Variants in LCP2 observed in about 807,000 individuals in gnomAD.
LCP2 encodes 76 kDa tyrosine phosphoprotein.
Under a neutral mutation model 74.5 loss-of-function variants are expected in LCP2, and 29 were observed. The observed-to-expected ratio is 0.39, with a 90% CI of 0.29 to 0.53. LCP2 has a LOEUF of 0.53. LCP2 is among the 20% of genes least tolerant of loss of function. LCP2 has a pLI of 0.72. For synonymous variants in LCP2, 228 were observed against 229.5 expected (o/e 0.99, Z 0.06); for missense variants, 604 against 634.6 (o/e 0.95, Z 0.52).
At chr5:170,266,595 C>G (rs1334774288) in intron 10 of LCP2, among the ~76,000 whole-genome samples, 1 of 152,178 alleles carries the variant, frequency 6.6e-6, no homozygotes, top group Non-Finnish European at 1.5e-5. Flanking sequence ...GGGCTTTGGT[C>G]GCTACTCCCA....
chr5:170,270,826 A>G lies in LCP2; in HGVS notation c.416T>C (p.Val139Ala). Reference sequence around the variant, plus strand: ...CGGCTCATAATCCGCGTCATCTTCCACGGGTGCCTCTTCCTCCTCATTGGG... The same window carrying G: ...CGGCTCATAATCCGCGTCATCTTCCGCGGGTGCCTCTTCCTCCTCATTGGG... ...ESPNEEEEAP[V>A]EDDADYEPPP... The change falls in exon 7 of 21, where the codon GTG (valine) becomes GCG (alanine). Residue 139 changes from valine to alanine, a missense_variant. Transcript: ENST00000046794. The G allele has an allele frequency of 6.2e-7, 1 of 1,612,260 alleles. No individual in the cohort carries two copies. Among genetic ancestry groups the G allele is most frequent in the Non-Finnish European group, 8.5e-7 (1 of 1,179,110 alleles).
At chr5:170,289,651 TTCTTTC>T (rs1762247504) in intron 2 of LCP2, among the ~76,000 whole-genome samples, 1 of 112,686 alleles carries the variant, frequency 8.9e-6, no homozygotes, top group African/African-American at 3.4e-5. Flanking sequence ...CTTTCTTTCT[TTCTTTC>T]TTTCTTTCTT....
At position 170,262,783 on chromosome 5, in the gene LCP2, G is replaced by A. The variant is rs377173751; in HGVS notation, c.819-41C>T. 36 of 1,613,382 alleles carry A rather than the reference G, an allele frequency of 2.2e-5. No homozygotes were observed. The African/African-American group carries it at 3.5e-4, about 16-fold the overall frequency. On this transcript the variant is annotated intron_variant, in intron 12 of 20. Coordinates refer to ENST00000046794, the MANE Select transcript of LCP2 (RefSeq NM_005565.5). Reference sequence around the variant, plus strand: ...AAAGGATGTGTAAGAAACAAACTTTGCCGAGGCAGAGTTCTACAGAACGTC... The same window carrying A: ...AAAGGATGTGTAAGAAACAAACTTTACCGAGGCAGAGTTCTACAGAACGTC...
At chr5:170,268,552 T>C in intron 7 of LCP2, 70 bp from the exon 8 acceptor site, 1 of 194,976 alleles carries the variant, frequency 5.1e-6, no homozygotes, top group South Asian at 7.2e-5. Context: ...CAGGAACAGA[T>C]ATGCAGCTCG....
Position 170,270,749 on chromosome 5 carries a change from G to C in LCP2, c.493C>G (p.Pro165Ala), listed in dbSNP as rs746525662. Residue 165 changes from proline (P) to alanine (A), a missense_variant, in exon 7 of 21, where the codon CCT (proline) becomes GCT (alanine). Pro to Ala is a conservative substitution (Grantham distance 27). Coordinates refer to ENST00000046794, the MANE Select transcript of LCP2 (RefSeq NM_005565.5). Reference sequence around the variant, plus strand: ...TACATGGAGTTGGAGTTGGGGAAAGGCTTGGCAGGCAGGATGGAGTTCTGC... The same window carrying C: ...TACATGGAGTTGGAGTTGGGGAAAGCCTTGGCAGGCAGGATGGAGTTCTGC... ...ALQNSILPAK[P>A]FPNSNSMYID... 1.2e-5 allele frequency: 19 copies of C among 1,593,314 alleles called. No individual in the cohort carries two copies. The highest frequency in any genetic ancestry group is 1.8e-5 in the Admixed American group (1 of 56,586).
chr5:170,271,080 G>A (rs1761890231), intron 6 of LCP2, among the ~76,000 whole-genome samples, 163 bp from the exon 7 acceptor site: 1 of 152,132 alleles, frequency 6.6e-6, no homozygotes, highest in South Asian at 2.1e-4. Flanking sequence ...CTGAGGTCAG[G>A]GAGCACTGTA....
intron 20 of LCP2, among the ~76,000 whole-genome samples, chr5:170,249,282 G>A (rs886206115): frequency 4.6e-5 from 7 of 151,468 alleles, no homozygotes; most frequent in African/African-American, 1.5e-4. Flanking sequence ...CCGAGATTGC[G>A]CCATTGCCGC....
chr5:170,258,610 T>G (rs1202982445), intron 15 of LCP2: 5 of 420,320 alleles, frequency 1.2e-5, no homozygotes, highest in African/African-American at 4.0e-5. Context: ...AAACCATGCA[T>G]GCAATTTTAC....
chr5:170,293,306 T>C lies in LCP2; in HGVS notation c.141+4A>G, dbSNP rs773737768. On this transcript the variant is annotated splice_donor_region_variant and intron_variant, in intron 2 of 20. Coordinates refer to ENST00000046794, the MANE Select transcript of LCP2 (RefSeq NM_005565.5). ...TTCAGTGTGTTGGACTAGCCAGAGC[T>C]TACCAAGAAGCGAGCCCCATCGATG... 3.1e-6 allele frequency: 5 copies of C among 1,606,718 alleles called. No homozygotes were observed.
chr5:170,275,665 C>A (rs1761994122), intron 4 of LCP2, 130 bp downstream of exon 4: 6 of 813,752 alleles, frequency 7.4e-6, no homozygotes, highest in Non-Finnish European at 1.2e-5. Flanking sequence ...TGGACACCAT[C>A]TTCCAGACCC....
intron 13 of LCP2, among the ~76,000 whole-genome samples, chr5:170,262,020 G>C (rs1288261682): frequency 6.6e-6 from 1 of 152,174 alleles, no homozygotes; most frequent in Non-Finnish European, 1.5e-5. Context: ...CCTCACAACA[G>C]CCAAGCAAGG....
chr5:170,249,986 G>T (rs1263973990), intron 20 of LCP2, among the ~76,000 whole-genome samples: 1 of 152,140 alleles, frequency 6.6e-6, no homozygotes, highest in Admixed American at 6.5e-5. Context: ...TCAAACATTT[G>T]ATCACAAGCA....
chr5:170,291,018 A>G (rs1404505962), intron 2 of LCP2, among the ~76,000 whole-genome samples: 2 of 134,950 alleles, frequency 1.5e-5, no homozygotes, highest in Admixed American at 7.3e-5. Context: ...GAAAGAGAGA[A>G]AGAAAGAGAG....
Position 170,248,686 on chromosome 5 carries a change from G to C in LCP2, c.*11C>G, listed in dbSNP as rs1002308901. 2.5e-6 allele frequency: 4 copies of C among 1,573,044 alleles called. No homozygotes were observed. The African/African-American group carries it at 6.2e-5, about 24-fold the overall frequency. ...GGCAGGAGGACGGTTCATTTGCTCG[G>C]CTATAACTTGCTATGGGTACCCTGC... On this transcript the variant is annotated 3_prime_UTR_variant, in exon 21 of 21. Transcript: ENST00000046794.
chr5:170,266,950 G>A (rs1195733194), intron 9 of LCP2, 59 bp from the exon 10 acceptor site: 6 of 1,610,338 alleles, frequency 3.7e-6, no homozygotes, highest in Admixed American at 3.3e-5. Flanking sequence ...TGGGGGTTGG[G>A]CGGGGCTAGG....
At chr5:170,287,077 G>A (rs114392002) in intron 3 of LCP2, among the ~76,000 whole-genome samples, 278 of 152,302 alleles carry the variant, frequency 1.8e-3, no homozygotes, top group African/African-American at 6.4e-3. Flanking sequence ...GTCCACATTA[G>A]CTGGAGCTGA....
chr5:170,290,974 AAGAAAGAAAGAAAGAAAGAAAGAAAGAG>A (rs1389569437), intron 2 of LCP2, among the ~76,000 whole-genome samples: 152 of 91,938 alleles, frequency 1.7e-3, no homozygotes, highest in Non-Finnish European at 2.4e-3. Flanking sequence ...GAAAGAAAGA[AAGAAAGAAAGAAAGAAAGAAAGAAAGAG>A]AGAAAGAAAG....
chr5:170,264,958 A>G (rs1761723677), intron 10 of LCP2, among the ~76,000 whole-genome samples: 1 of 150,042 alleles, frequency 6.7e-6, no homozygotes, highest in Non-Finnish European at 1.5e-5. Context: ...TTTGGCCTGA[A>G]TAAGTATTTC....
Position 170,262,713 on chromosome 5 carries a change from T to TGAATCTTGGGTAAATGCTCCC in LCP2, c.827_847dup (p.Ile282_Gln283insArgGluHisLeuProLysIle). The TGAATCTTGGGTAAATGCTCCC allele has an allele frequency of 1.2e-6, 2 of 1,613,926 alleles. No individual in the cohort carries two copies. Among genetic ancestry groups the TGAATCTTGGGTAAATGCTCCC allele is most frequent in the Non-Finnish European group, 1.7e-6 (2 of 1,179,832 alleles). ...CGTGGTCGGTGGTAAAGGAGGCTTT[T>TGAATCTTGGGTAAATGCTCCC]GAATCTTGGGTAAATGCTCCCCGAG... is the stretch of plus-strand genomic sequence containing the variant. On this transcript the variant is annotated inframe_insertion, in exon 13 of 21. Transcript: ENST00000046794.
Sources: allele counts gnomAD v4.1 joint callset (sites outside exome capture counted in the v4.1 genomes callset), GRCh38; gene constraint gnomAD v4.1.1; transcripts MANE v1.5; gene names NCBI Gene and HGNC (gene_info 2026-07-23, HGNC 2026-07-21).